DOCK2: variants seen among roughly 807,000 people sequenced by gnomAD.
DOCK2 encodes the protein dedicator of cytokinesis 2.
Under a neutral mutation model 248.9 loss-of-function variants are expected in DOCK2, and 87 were observed. That is an observed-to-expected ratio of 0.35 (90% CI 0.29 to 0.42). DOCK2 has a LOEUF of 0.42. Among genes scored for constraint, DOCK2 ranks in the 10% least tolerant of loss-of-function variants. The pLI is 1.00. For missense variants in DOCK2, 1,747 were observed against 2,300.2 expected (o/e 0.76, Z 4.92); for synonymous variants, 805 against 821.6 (o/e 0.98, Z 0.35).
chr5:169,737,057 G>A (rs1230381114), intron 22 of DOCK2, among the ~76,000 whole-genome samples: 2 of 152,154 alleles, frequency 1.3e-5, no homozygotes, highest in Non-Finnish European at 2.9e-5. Context: ...TAAAATCAAG[G>A]GGAAATGCAT....
At position 170,082,890 on chromosome 5, in the gene DOCK2, C is replaced by G. The variant is rs769851248; in HGVS notation, c.*32C>G. ...GCTGACTAGGGCTGCATGGGAGAGC[C>G]AGGGAGGGGAGTTTCTGGAAGAGGA... On this transcript the variant is annotated 3_prime_UTR_variant, in exon 52 of 52. Transcript: ENST00000520908. 6.2e-7 allele frequency: 1 copy of G among 1,614,002 alleles called. No individual in the cohort carries two copies. Among genetic ancestry groups the G allele is most frequent in the South Asian group, 1.1e-5 (1 of 91,076 alleles).
At chr5:169,981,610 G>A (rs1330185636) in intron 27 of DOCK2, among the ~76,000 whole-genome samples, 1 of 151,934 alleles carries the variant, frequency 6.6e-6, no homozygotes, top group Admixed American at 6.6e-5. Context: ...ACTTCACTAT[G>A]GCAAAGTTCA....
intron 23 of DOCK2, among the ~76,000 whole-genome samples, chr5:169,754,575 T>C (rs1329853093): frequency 6.6e-6 from 1 of 152,132 alleles, no homozygotes; most frequent in Admixed American, 6.5e-5. Context: ...TTACAAAGGG[T>C]GGGGGAAGCT....
intron 26 of DOCK2, among the ~76,000 whole-genome samples, chr5:169,834,761 G>C (rs1237619575): frequency 6.6e-6 from 1 of 152,250 alleles, no homozygotes; most frequent in Non-Finnish European, 1.5e-5. Flanking sequence ...TGCTCAGTCG[G>C]TGATCACCTT....
At chr5:170,079,398 C>G (rs1039645723) in intron 49 of DOCK2, 2 of 437,192 alleles carry the variant, frequency 4.6e-6, no homozygotes, top group Non-Finnish European at 4.2e-6. Flanking sequence ...TGTGTGTATC[C>G]TTTCCACCAT....
rs183904095 is a variant in DOCK2, at chr5:169,668,660, G to A, written c.128-628G>A. 1.9e-3 allele frequency among the ~76,000 whole-genome samples: 285 copies of A among 152,310 alleles called. 1 individual carries two copies. The highest frequency in any genetic ancestry group is 5.5e-3 in the African/African-American group (228 of 41,554). On this transcript the variant is annotated intron_variant, in intron 2 of 51. Coordinates refer to ENST00000520908, the MANE Select transcript of DOCK2 (RefSeq NM_004946.3). Reference sequence around the variant, plus strand: ...GGCGTATTTTGTCTGAGGACTGTGTGTAATTTGGATTTCTGCTCATTGATA... The same window carrying A: ...GGCGTATTTTGTCTGAGGACTGTGTATAATTTGGATTTCTGCTCATTGATA...
chr5:169,667,155 C>T (rs2113265457), intron 2 of DOCK2, among the ~76,000 whole-genome samples: 1 of 152,042 alleles, frequency 6.6e-6, no homozygotes, highest in South Asian at 2.1e-4. Flanking sequence ...ATCTATTGGT[C>T]CCTCGATTGT....
At chr5:169,868,856 T>G (rs1771764569) in intron 27 of DOCK2, among the ~76,000 whole-genome samples, 1 of 152,164 alleles carries the variant, frequency 6.6e-6, no homozygotes, top group South Asian at 2.1e-4. Context: ...ACGGAAACTT[T>G]ATCTCACCAT....
chr5:170,063,980 C>A (rs1354416821), intron 44 of DOCK2, among the ~76,000 whole-genome samples: 1 of 152,168 alleles, frequency 6.6e-6, no homozygotes, highest in African/African-American at 2.4e-5. Context: ...ACCTTTCCAG[C>A]TACATCTAGA....
At chr5:169,994,099 G>A (rs774914763) in intron 29 of DOCK2, among the ~76,000 whole-genome samples, 1 of 152,112 alleles carries the variant, frequency 6.6e-6, no homozygotes, top group Non-Finnish European at 1.5e-5. Context: ...GGTGTAGGGA[G>A]GGCAGGTGGC....
At chr5:169,730,073 C>T (rs1380640834) in intron 22 of DOCK2, among the ~76,000 whole-genome samples, 1 of 152,184 alleles carries the variant, frequency 6.6e-6, no homozygotes, top group Non-Finnish European at 1.5e-5. Context: ...TCTCCTGCCT[C>T]AGCCTCCCGA....
intron 27 of DOCK2, among the ~76,000 whole-genome samples, chr5:169,843,151 T>A (rs538450972): frequency 6.6e-6 from 1 of 152,362 alleles, no homozygotes; most frequent in East Asian, 1.9e-4. Flanking sequence ...CTGTCTTACA[T>A]GCAGGCTTAG....
Position 169,653,606 on chromosome 5 carries a change from C to T in DOCK2, c.44-797C>T, listed in dbSNP as rs185965402. Among the ~76,000 whole-genome samples, 125 of 152,234 alleles carry T rather than the reference C, an allele frequency of 8.2e-4. 1 individual carries two copies. The highest frequency in any genetic ancestry group is 2.7e-3 in the African/African-American group (114 of 41,554). On this transcript the variant is annotated intron_variant, in intron 1 of 51. Coordinates refer to ENST00000520908, the MANE Select transcript of DOCK2 (RefSeq NM_004946.3). ...ATTGTCCCAATGGTGCTGTGCTGGT[C>T]GGGGAGGAGCATGGGCCCAGCTCAG...
chr5:169,749,425 T>C (rs567013060), intron 23 of DOCK2, among the ~76,000 whole-genome samples: 1 of 152,052 alleles, frequency 6.6e-6, no homozygotes, highest in Non-Finnish European at 1.5e-5. Flanking sequence ...CTAATCCTAA[T>C]ATTAGGATTA....
chr5:169,650,737 T>C (rs775966178), intron 1 of DOCK2, among the ~76,000 whole-genome samples: 1 of 152,174 alleles, frequency 6.6e-6, no homozygotes, highest in Non-Finnish European at 1.5e-5. Context: ...ATCCCTTTGA[T>C]CCTTGGCCAT....
chr5:169,961,559 A>G (rs146521097), intron 27 of DOCK2, among the ~76,000 whole-genome samples: 107 of 152,344 alleles, frequency 7.0e-4, no homozygotes, highest in East Asian at 6.2e-3. Flanking sequence ...CTAAGCAGAC[A>G]TTTCTCTGCC....
chr5:169,821,460 A>G (rs1206704082), intron 26 of DOCK2, among the ~76,000 whole-genome samples: 1 of 152,172 alleles, frequency 6.6e-6, no homozygotes, highest in Non-Finnish European at 1.5e-5. Context: ...AGTGGGGGCC[A>G]ATATTCAACA....
intron 27 of DOCK2, among the ~76,000 whole-genome samples, chr5:169,963,540 G>A (rs1489007175): frequency 6.6e-6 from 1 of 152,130 alleles, no homozygotes; most frequent in African/African-American, 2.4e-5. Flanking sequence ...AGGCTTTGCT[G>A]GTTTGGTAGT....
chr5:169,783,172 A>T (rs1011027301), intron 25 of DOCK2, among the ~76,000 whole-genome samples: 6 of 152,362 alleles, frequency 3.9e-5, no homozygotes, highest in Admixed American at 6.5e-5. Flanking sequence ...CCTCCAAAAG[A>T]TTATTTAAAA....
Sources: allele counts gnomAD v4.1 joint callset (sites outside exome capture counted in the v4.1 genomes callset), GRCh38; gene constraint gnomAD v4.1.1; transcripts MANE v1.5; gene names NCBI Gene and HGNC (gene_info 2026-07-23, HGNC 2026-07-21).